The following ADGRL3 variants were observed in gnomAD, a reference collection of about 807,000 sequenced individuals.
The protein encoded by ADGRL3 is adhesion G protein-coupled receptor L3.
Under a neutral mutation model 153.5 loss-of-function variants are expected in ADGRL3, and 62 were observed. That is an observed-to-expected ratio of 0.40 (90% CI 0.33 to 0.50). ADGRL3 has a LOEUF of 0.50. ADGRL3 is among the 20% of genes least tolerant of loss of function. The pLI, the probability that ADGRL3 is intolerant of heterozygous loss-of-function variation, is 0.47. For synonymous variants in ADGRL3, 710 were observed against 672.5 expected, an observed-to-expected ratio of 1.06 and a Z score of -0.86; for missense variants, 1,641 against 1,859.4, an observed-to-expected ratio of 0.88 and a Z score of 2.16.
chr4:61,633,117 G>A (rs997011041), intron 5 of ADGRL3, among the ~76,000 whole-genome samples: 2 of 151,924 alleles, frequency 1.3e-5, no homozygotes, highest in African/African-American at 2.4e-5. Context: ...CAATTGCATT[G>A]TGTCCTCATA....
chr4:61,807,620 G>A (rs1170099891), intron 8 of ADGRL3, among the ~76,000 whole-genome samples: 1 of 152,034 alleles, frequency 6.6e-6, no homozygotes, highest in African/African-American at 2.4e-5. Context: ...ATCTCTTTCA[G>A]ATTAGTTGAT....
intron 9 of ADGRL3, among the ~76,000 whole-genome samples, chr4:61,876,192 A>C (rs2098474121): frequency 6.6e-6 from 1 of 152,050 alleles, no homozygotes; most frequent in Admixed American, 6.6e-5. Flanking sequence ...AATATTTAAA[A>C]CCTTTATTCA....
intron 21 of ADGRL3, among the ~76,000 whole-genome samples, chr4:62,020,218 G>C (rs915355390): frequency 1.3e-5 from 2 of 152,038 alleles, no homozygotes; most frequent in African/African-American, 4.8e-5. Flanking sequence ...CCCAGTCAGA[G>C]CATGTTTGGC....
At chr4:61,748,444 A>T (rs1401405516) in intron 8 of ADGRL3, among the ~76,000 whole-genome samples, 3 of 151,372 alleles carry the variant, frequency 2.0e-5, no homozygotes, top group Non-Finnish European at 4.4e-5. Flanking sequence ...GCATCACGCT[A>T]CCTGACTTCA....
In ADGRL3 at chr4:61,432,408, A is replaced by G. The variant is rs147887068; in HGVS notation, c.-174+49219A>G. The stretch of plus-strand genomic sequence containing the variant: ...GAGAAGCCTGATAAGTAAAAATTAC[A>G]TTGTATTCTCTCCTAATCCTAAATC... On this transcript the variant is annotated intron_variant, in intron 2 of 26. Transcript: ENST00000683033. 8.5e-5 allele frequency among the ~76,000 whole-genome samples: 13 copies of G among 152,234 alleles called. No homozygotes were observed. The East Asian group carries it at 2.5e-3, about 29-fold the overall frequency.
intron 1 of ADGRL3, among the ~76,000 whole-genome samples, chr4:61,358,849 A>G (rs1000040129): frequency 2.0e-5 from 3 of 152,046 alleles, no homozygotes; most frequent in Non-Finnish European, 4.4e-5. Flanking sequence ...TGTGATTTGA[A>G]TGCTTATTAT....
At chr4:61,362,366 A>G (rs2096299549) in intron 1 of ADGRL3, among the ~76,000 whole-genome samples, 1 of 151,316 alleles carries the variant, frequency 6.6e-6, no homozygotes, top group African/African-American at 2.4e-5. Context: ...ACATATATAC[A>G]CTTGACCCTT....
chr4:61,414,006 T>G (rs2097117833), intron 2 of ADGRL3, among the ~76,000 whole-genome samples: 1 of 152,212 alleles, frequency 6.6e-6, no homozygotes, highest in Non-Finnish European at 1.5e-5. Context: ...TGTGTATAAT[T>G]TTTCTATAGT....
At chr4:61,318,277 A>G (rs2095277703) in intron 1 of ADGRL3, among the ~76,000 whole-genome samples, 1 of 151,536 alleles carries the variant, frequency 6.6e-6, no homozygotes, top group African/African-American at 2.4e-5. Context: ...TAAATGAATG[A>G]TTCTGGAAAT....
At chr4:62,003,123 C>T (rs997504470) in intron 21 of ADGRL3, among the ~76,000 whole-genome samples, 2 of 151,990 alleles carry the variant, frequency 1.3e-5, no homozygotes, top group African/African-American at 2.4e-5. Context: ...TAGAAAAGAA[C>T]ATTGGTGCCT....
chr4:61,711,485 TATATATACAC>T lies in ADGRL3; in HGVS notation c.584-19135_584-19126del, dbSNP rs1401522815. On this transcript the variant is annotated intron_variant, in intron 6 of 26. Coordinates refer to ENST00000683033, the MANE Select transcript of ADGRL3 (RefSeq NM_001387552.1). ...ATATATATATATATATATATATATA[TATATATACAC>T]ACACACACACACACACACAATAGCA... 1.0e-3 allele frequency among the ~76,000 whole-genome samples: 106 copies of T among 106,108 alleles called. 2 individuals are homozygous for T. The highest frequency in any genetic ancestry group is 3.4e-3 in the African/African-American group (98 of 29,240). 69.6% of individuals were successfully genotyped at this position (106,108 alleles called of 152,430 possible).
At chr4:61,571,984 G>A (rs1435865471) in intron 4 of ADGRL3, among the ~76,000 whole-genome samples, 3 of 152,144 alleles carry the variant, frequency 2.0e-5, no homozygotes, top group African/African-American at 7.2e-5. Context: ...GAATGGTTGA[G>A]CAGATAGATA....
intron 17 of ADGRL3, among the ~76,000 whole-genome samples, chr4:61,949,027 A>G (rs891905160): frequency 2.6e-5 from 4 of 152,010 alleles, no homozygotes; most frequent in African/African-American, 9.7e-5. Flanking sequence ...GAAAAAAAAA[A>G]AAAACACTAA....
intron 1 of ADGRL3, among the ~76,000 whole-genome samples, chr4:61,295,672 G>T (rs372521040): frequency 1.3e-5 from 2 of 151,832 alleles, no homozygotes; most frequent in African/African-American, 4.8e-5. Flanking sequence ...AAGTAAGAGC[G>T]GGCTGGGCAC....
At chr4:61,786,894 G>T (rs1334117077) in intron 8 of ADGRL3, among the ~76,000 whole-genome samples, 4 of 151,994 alleles carry the variant, frequency 2.6e-5, no homozygotes, top group African/African-American at 4.8e-5. Flanking sequence ...ATAGATATTT[G>T]TGAAGTCTTA....
intron 9 of ADGRL3, among the ~76,000 whole-genome samples, chr4:61,875,853 T>C (rs180809224): frequency 6.6e-6 from 1 of 152,320 alleles, no homozygotes; most frequent in Admixed American, 6.5e-5. Context: ...AAGTGTACTT[T>C]GCACTTTTTT....
chr4:61,861,033 A>C (rs1427724468), intron 9 of ADGRL3, among the ~76,000 whole-genome samples: 1 of 152,210 alleles, frequency 6.6e-6, no homozygotes, highest in Non-Finnish European at 1.5e-5. Context: ...TAAATATTGA[A>C]ATCTATTTCC....
At chr4:62,031,176 C>A (rs542131226) in intron 22 of ADGRL3, among the ~76,000 whole-genome samples, 10 of 151,696 alleles carry the variant, frequency 6.6e-5, no homozygotes, top group Admixed American at 6.6e-4. Context: ...ATATGTGCTG[C>A]AAATACATGA....
intron 9 of ADGRL3, among the ~76,000 whole-genome samples, chr4:61,814,207 C>A (rs1480625932): frequency 6.6e-6 from 1 of 151,174 alleles, no homozygotes; most frequent in Admixed American, 6.6e-5. Context: ...TTACTGGGAC[C>A]TTCTTTTTCT....
Sources: gnomAD v4.1 joint callset for allele counts (sites outside exome capture counted in the v4.1 genomes callset) on GRCh38, gnomAD v4.1.1 for gene constraint, MANE v1.5 for transcripts, NCBI Gene and HGNC (gene_info 2026-07-23, HGNC 2026-07-21) for gene names.